The following TGFB2 variants were observed in gnomAD, a reference collection of about 807,000 sequenced individuals.
TGFB2 encodes the protein transforming growth factor beta 2, also known as transforming growth factor beta-2 proprotein.
TGFB2 carries 13 observed loss-of-function variants against 42.7 expected under a neutral mutation model. That is an observed-to-expected ratio of 0.30 (90% CI 0.20 to 0.48). The LOEUF (loss-of-function observed/expected upper bound fraction) is 0.48, where lower values mean the gene tolerates loss of function less well. Ranked by LOEUF, TGFB2 falls within the 20% of genes least tolerant of loss-of-function variation. TGFB2 has a pLI of 0.99. For missense variants in TGFB2, 390 were observed against 517.5 expected, an observed-to-expected ratio of 0.75 and a Z score of 2.39; for synonymous variants, 193 against 193.6, an observed-to-expected ratio of 1.00 and a Z score of 0.03.
Position 218,345,904 on chromosome 1 carries a change from G to T in TGFB2, c.-798G>T, listed in dbSNP as rs939515814. ...AAGCGGGTCAGCGCGCGCCCGCCAG[G>T]GTGTAGGCCACGGAGCGCAGCTCCC... On this transcript the variant is annotated 5_prime_UTR_variant, in exon 1 of 7. Transcript: ENST00000366930. 1.3e-5 allele frequency among the ~76,000 whole-genome samples: 2 copies of T among 151,906 alleles called. No individual in the cohort carries two copies. Among genetic ancestry groups the T allele is most frequent in the Non-Finnish European group, 2.9e-5 (2 of 67,948 alleles).
chr1:218,395,686 A>G (rs1011224356), intron 1 of TGFB2, among the ~76,000 whole-genome samples: 2 of 148,378 alleles, frequency 1.3e-5, no homozygotes, highest in African/African-American at 2.5e-5. Flanking sequence ...ATCTCGGCTC[A>G]CTGCAAGCTC....
At chr1:218,397,110 T>A (rs987807308) in intron 1 of TGFB2, among the ~76,000 whole-genome samples, 1 of 149,404 alleles carries the variant, frequency 6.7e-6, no homozygotes, top group Admixed American at 6.7e-5. Flanking sequence ...CTACTAAAAA[T>A]ACAAAAAATT....
intron 5 of TGFB2, among the ~76,000 whole-genome samples, chr1:218,436,570 G>C (rs1385757375): frequency 1.3e-5 from 2 of 152,196 alleles, no homozygotes; most frequent in Non-Finnish European, 2.9e-5. Context: ...ACAGAGATGA[G>C]ACAGCAGAAG....
At chr1:218,413,198 T>C (rs898367164) in intron 2 of TGFB2, among the ~76,000 whole-genome samples, 21 of 151,096 alleles carry the variant, frequency 1.4e-4, no homozygotes, top group African/African-American at 5.1e-4. Context: ...ATGGTGAAAA[T>C]CCATCTCTAC....
intron 2 of TGFB2, among the ~76,000 whole-genome samples, chr1:218,422,455 A>C (rs1243508476): frequency 6.6e-6 from 1 of 152,156 alleles, no homozygotes; most frequent in Admixed American, 6.5e-5. Context: ...TTCTGGGCTC[A>C]AACGATCCTT....
intron 1 of TGFB2, among the ~76,000 whole-genome samples, chr1:218,357,617 C>T (rs1406618812): frequency 6.6e-6 from 1 of 152,176 alleles, no homozygotes; most frequent in Non-Finnish European, 1.5e-5. Flanking sequence ...CTTAGATGTT[C>T]CCTCAACCAC....
intron 1 of TGFB2, among the ~76,000 whole-genome samples, chr1:218,402,933 G>T (rs1389969021): frequency 1.3e-5 from 2 of 152,232 alleles, no homozygotes; most frequent in Non-Finnish European, 2.9e-5. Flanking sequence ...TGGTTGTCTG[G>T]CCTGTTTTCA....
chr1:218,359,788 G>A (rs2102542139), intron 1 of TGFB2, among the ~76,000 whole-genome samples: 1 of 152,248 alleles, frequency 6.6e-6, no homozygotes, highest in South Asian at 2.1e-4. Flanking sequence ...GAGGCTGGAG[G>A]GATTAGGGCA....
intron 6 of TGFB2, among the ~76,000 whole-genome samples, chr1:218,438,941 T>C (rs1660061504): frequency 6.6e-6 from 1 of 151,962 alleles, no homozygotes; most frequent in Non-Finnish European, 1.5e-5. Context: ...ACCCCGTCTC[T>C]ACTAAAAATA....
At chr1:218,426,183 A>G (rs968231794) in intron 2 of TGFB2, among the ~76,000 whole-genome samples, 55 of 152,282 alleles carry the variant, frequency 3.6e-4, no homozygotes, top group African/African-American at 1.3e-3. Flanking sequence ...TCTCCTGTGG[A>G]TCTGTTGATG....
intron 2 of TGFB2, among the ~76,000 whole-genome samples, chr1:218,413,887 A>G (rs1012169247): frequency 1.3e-5 from 2 of 152,222 alleles, no homozygotes; most frequent in East Asian, 1.9e-4. Flanking sequence ...ATTTACATCC[A>G]TTTAGTTTTG....
intron 1 of TGFB2, among the ~76,000 whole-genome samples, chr1:218,386,098 T>C (rs995695109): frequency 1.3e-5 from 2 of 152,188 alleles, no homozygotes; most frequent in African/African-American, 4.8e-5. Flanking sequence ...TTCTGAGATT[T>C]ATCACCCCCA....
intron 1 of TGFB2, among the ~76,000 whole-genome samples, chr1:218,381,257 T>TG (rs1214768996): frequency 7.7e-6 from 1 of 129,872 alleles, no homozygotes; most frequent in African/African-American, 2.8e-5. Flanking sequence ...TTTTTGTTTT[T>TG]GTTTTTTTTT....
intron 1 of TGFB2, among the ~76,000 whole-genome samples, chr1:218,399,776 G>T (rs950324097): frequency 2.6e-5 from 4 of 151,804 alleles, no homozygotes; most frequent in Admixed American, 6.6e-5. Context: ...TTCTAATTTG[G>T]TCTGTCAGGC....
intron 1 of TGFB2, among the ~76,000 whole-genome samples, chr1:218,399,906 C>G (rs560074611): frequency 3.3e-5 from 5 of 152,164 alleles, no homozygotes; most frequent in African/African-American, 1.2e-4. Flanking sequence ...CTAGACCCAG[C>G]GCTCCAACTT....
At chr1:218,372,819 C>A (rs1657611783) in intron 1 of TGFB2, among the ~76,000 whole-genome samples, 1 of 152,158 alleles carries the variant, frequency 6.6e-6, no homozygotes, top group Non-Finnish European at 1.5e-5. Context: ...TTACTCAGGC[C>A]AGAGTCCAAC....
At chr1:218,387,884 T>C (rs1049054262) in intron 1 of TGFB2, among the ~76,000 whole-genome samples, 1 of 152,202 alleles carries the variant, frequency 6.6e-6, no homozygotes, top group African/African-American at 2.4e-5. Flanking sequence ...TCTGGGATCC[T>C]TCTCTGAGAT....
chr1:218,437,655 C>T (rs749515734), intron 6 of TGFB2, among the ~76,000 whole-genome samples, 159 bp downstream of exon 6: 11 of 152,030 alleles, frequency 7.2e-5, no homozygotes, highest in South Asian at 2.1e-4. Flanking sequence ...CAAAAGTATT[C>T]GCAGTTTTTG....
At chr1:218,423,273 A>G (rs1480959428) in intron 2 of TGFB2, among the ~76,000 whole-genome samples, 1 of 152,186 alleles carries the variant, frequency 6.6e-6, no homozygotes, top group Admixed American at 6.5e-5. Context: ...TGGGGATTTA[A>G]ATAAGTTTAT....
Sources: gnomAD v4.1 joint callset for allele counts (sites outside exome capture counted in the v4.1 genomes callset) on GRCh38, gnomAD v4.1.1 for gene constraint, MANE v1.5 for transcripts, NCBI Gene and HGNC (gene_info 2026-07-23, HGNC 2026-07-21) for gene names.